SEC14L1: variants seen among roughly 807,000 people sequenced by gnomAD.
SEC14L1 encodes the protein SEC14-like protein 1.
A neutral mutation model predicts 85.3 loss-of-function variants in SEC14L1; 48 were observed. The ratio of observed to expected loss-of-function variants is 0.56; its 90% CI spans 0.45 to 0.72. The LOEUF (loss-of-function observed/expected upper bound fraction) is 0.72, where lower values mean the gene tolerates loss of function less well. Among genes scored for constraint, SEC14L1 ranks in the 30% least tolerant of loss-of-function variants. The probability of loss-of-function intolerance (pLI) is 0.00; values close to 1 mark genes in which losing one functional copy is unlikely to be tolerated. For synonymous variants in SEC14L1, 391 were observed against 355.5 expected (o/e 1.10, Z -1.12); for missense variants, 682 against 921.4 (o/e 0.74, Z 3.36).
At chr17:77,192,688 G>C (rs1975605135) in intron 5 of SEC14L1, among the ~76,000 whole-genome samples, 2 of 151,686 alleles carry the variant, frequency 1.3e-5, no homozygotes, top group Non-Finnish European at 2.9e-5. Context: ...TCAGGGATGG[G>C]ATCTTGCCCT....
At chr17:77,089,493 A>G (rs1221023238) in intron 2 of SEC14L1, 3 of 515,060 alleles carry the variant, frequency 5.8e-6, no homozygotes, top group East Asian at 5.5e-5. Flanking sequence ...TGCAAACAGG[A>G]CCTACGTTTA....
intron 3 of SEC14L1, among the ~76,000 whole-genome samples, chr17:77,186,382 G>A (rs1975267826): frequency 6.6e-6 from 1 of 152,240 alleles, no homozygotes; most frequent in Admixed American, 6.5e-5. Context: ...GGCACGCTTT[G>A]AGGCCCAGCC....
chr17:77,166,970 C>G (rs1208848336), intron 3 of SEC14L1, among the ~76,000 whole-genome samples: 1 of 152,180 alleles, frequency 6.6e-6, no homozygotes, highest in Non-Finnish European at 1.5e-5. Flanking sequence ...GATCATCCCT[C>G]TGATGTGTTT....
chr17:77,192,694 G>A (rs1043784303), intron 5 of SEC14L1, among the ~76,000 whole-genome samples: 1 of 150,044 alleles, frequency 6.7e-6, no homozygotes, highest in Non-Finnish European at 1.5e-5. Flanking sequence ...ATGGGATCTT[G>A]CCCTGTCGCT....
intron 3 of SEC14L1, among the ~76,000 whole-genome samples, chr17:77,187,528 C>A (rs1262426313): frequency 1.3e-5 from 2 of 152,086 alleles, no homozygotes; most frequent in African/African-American, 4.8e-5. Context: ...CAGGTGTATG[C>A]CACCGTGCCC....
upstream of SEC14L1, chr17:77,140,935 A>C (rs1201959207): frequency 1.5e-5 from 2 of 137,770 alleles, no homozygotes; most frequent in African/African-American, 5.5e-5. Flanking sequence ...CACCCGTAAC[A>C]ACCACAAGTG....
At chr17:77,165,130 C>G (rs1974229529) in intron 3 of SEC14L1, among the ~76,000 whole-genome samples, 1 of 152,190 alleles carries the variant, frequency 6.6e-6, no homozygotes, top group East Asian at 1.9e-4. Context: ...TATTTATCTT[C>G]AGGGCCATAT....
At position 77,196,861 on chromosome 17, in the gene SEC14L1, A is replaced by G. The variant is rs185793016; in HGVS notation, c.819+550A>G. ...ACCAAATAACTGAGTGCTGTTGAATACCAGTCATCAAGAAAACCACTGCAG... is the reference window on the plus strand; with the variant it reads ...ACCAAATAACTGAGTGCTGTTGAATGCCAGTCATCAAGAAAACCACTGCAG... On this transcript the variant is annotated intron_variant, in intron 8 of 16. Coordinates refer to ENST00000436233, the MANE Select transcript of SEC14L1 (RefSeq NM_001143998.2). Among the ~76,000 whole-genome samples, 18 of 152,326 alleles carry G rather than the reference A, an allele frequency of 1.2e-4. No individual in the cohort carries two copies. In the East Asian group the frequency reaches 2.3e-3, roughly 20 times the overall value.
intron 3 of SEC14L1, among the ~76,000 whole-genome samples, chr17:77,101,249 A>T (rs1971771718): frequency 6.6e-6 from 1 of 152,050 alleles, no homozygotes; most frequent in Non-Finnish European, 1.5e-5. Context: ...CAATGGCACA[A>T]TCTCGGCTCA....
Position 77,198,697 on chromosome 17 carries a change from C to T in SEC14L1, c.820-1787C>T, listed in dbSNP as rs560742059. 5.0e-4 allele frequency among the ~76,000 whole-genome samples: 76 copies of T among 151,878 alleles called. 1 individual carries two copies. The highest frequency in any genetic ancestry group is 1.6e-3 in the African/African-American group (68 of 41,404). On this transcript the variant is annotated intron_variant, in intron 8 of 16. Coordinates refer to ENST00000436233, the MANE Select transcript of SEC14L1 (RefSeq NM_001143998.2). ...TCACGCCATTCTTCTGCTTCAGCCT[C>T]CCCAGTAGCTGGGACTCAGGCACCC...
intron 3 of SEC14L1, among the ~76,000 whole-genome samples, chr17:77,109,906 T>G (rs1972010316): frequency 6.6e-6 from 1 of 152,232 alleles, no homozygotes. Flanking sequence ...TATGCCTCTT[T>G]TTTTGAAAAT....
At chr17:77,190,480 C>T (rs900437375) in intron 3 of SEC14L1, among the ~76,000 whole-genome samples, 11 of 152,086 alleles carry the variant, frequency 7.2e-5, no homozygotes, top group African/African-American at 1.4e-4. Context: ...TTTTCAAAAT[C>T]GTTTTAGTTG....
chr17:77,157,280 C>T (rs1973855223), intron 3 of SEC14L1, among the ~76,000 whole-genome samples: 2 of 152,172 alleles, frequency 1.3e-5, no homozygotes. Context: ...AAGCTCTTCT[C>T]CAAACACGTA....
At chr17:77,140,508 A>G (rs1972947926), upstream of SEC14L1, among the ~76,000 whole-genome samples, 1 of 152,256 alleles carries the variant, frequency 6.6e-6, no homozygotes, top group Non-Finnish European at 1.5e-5. Context: ...CGCCAGGGCG[A>G]CCAGAGGCAG....
At chr17:77,112,958 G>A (rs117903745) in intron 3 of SEC14L1, among the ~76,000 whole-genome samples, 3,534 of 151,910 alleles carry the variant, frequency 0.023, 45 homozygotes, top group Non-Finnish European at 0.037. Context: ...TTAAGACCAG[G>A]AGTTCGAGAC....
chr17:77,180,081 A>ATGTTATGTTT (rs1370730345), intron 3 of SEC14L1, among the ~76,000 whole-genome samples: 2 of 147,974 alleles, frequency 1.4e-5, no homozygotes, highest in Admixed American at 1.4e-4. Flanking sequence ...ATGTTATGTT[A>ATGTTATGTTT]TGTTATGTTA....
chr17:77,142,306 G>A (rs1023590890), intron 1 of SEC14L1, among the ~76,000 whole-genome samples: 2 of 152,080 alleles, frequency 1.3e-5, no homozygotes, highest in South Asian at 4.1e-4. Flanking sequence ...CAGGCGCCGT[G>A]ACTCATGACT....
chr17:77,216,430 G>GC lies in SEC14L1; in HGVS notation c.*2407_*2408insC, dbSNP rs1177110187. On this transcript the variant is annotated 3_prime_UTR_variant, in exon 17 of 17. Coordinates refer to ENST00000436233, the MANE Select transcript of SEC14L1 (RefSeq NM_001143998.2). ...GGTTCGTAGGTAGGGTTCGTAGGTAGGGTTCGTAGGTAGGGTTAGTAGCGC... is the reference window on the plus strand; with the variant it reads ...GGTTCGTAGGTAGGGTTCGTAGGTAGCGGTTCGTAGGTAGGGTTAGTAGCGC... The GC allele has an allele frequency of 6.3e-7, 1 of 1,580,536 alleles. No individual in the cohort carries two copies. The highest frequency in any genetic ancestry group is 8.6e-7 in the Non-Finnish European group (1 of 1,162,560).
chr17:77,204,653 A>C (rs893328053), intron 10 of SEC14L1, among the ~76,000 whole-genome samples: 1 of 151,154 alleles, frequency 6.6e-6, no homozygotes, highest in Non-Finnish European at 1.5e-5. Context: ...GCTGTCCTCA[A>C]GCAGTCCTCC....
Sources: allele counts gnomAD v4.1 joint callset (sites outside exome capture counted in the v4.1 genomes callset), GRCh38; gene constraint gnomAD v4.1.1; transcripts MANE v1.5; gene names NCBI Gene and HGNC (gene_info 2026-07-23, HGNC 2026-07-21).